The following DTNBP1 variants were observed in gnomAD, a reference collection of about 807,000 sequenced individuals.
The protein encoded by DTNBP1 is dysbindin.
In DTNBP1, 35 loss-of-function variants were observed where a neutral mutation model predicts 42.8. The observed-to-expected ratio is 0.82, with a 90% CI of 0.63 to 1.09. The LOEUF is 1.09. Ranked by LOEUF, DTNBP1 falls within the 50% of genes least tolerant of loss-of-function variation. The pLI is 0.00. For synonymous variants in DTNBP1, 171 were observed against 162.2 expected (o/e 1.05, Z -0.41); for missense variants, 457 against 424.2 (o/e 1.08, Z -0.68).
intron 5 of DTNBP1, among the ~76,000 whole-genome samples, chr6:15,619,726 T>G (rs1266310963): frequency 6.6e-6 from 1 of 152,138 alleles, no homozygotes; most frequent in Admixed American, 6.5e-5. Flanking sequence ...CTTTGTTTGA[T>G]CCAAACAGCT....
intron 5 of DTNBP1, among the ~76,000 whole-genome samples, chr6:15,625,558 T>C (rs1759291441): frequency 6.6e-6 from 1 of 152,206 alleles, no homozygotes; most frequent in Non-Finnish European, 1.5e-5. Flanking sequence ...TTTCAGGATA[T>C]TAGAATCCTA....
chr6:15,624,143 T>C (rs1261298365), intron 5 of DTNBP1, among the ~76,000 whole-genome samples: 1 of 152,174 alleles, frequency 6.6e-6, no homozygotes, highest in African/African-American at 2.4e-5. Context: ...GTGGTTACGT[T>C]TGTCATCTCC....
At chr6:15,594,695 C>T (rs532129771) in intron 6 of DTNBP1, among the ~76,000 whole-genome samples, 1 of 152,094 alleles carries the variant, frequency 6.6e-6, no homozygotes, top group South Asian at 2.1e-4. Flanking sequence ...GTGACATCCT[C>T]ACATTAGCAA....
intron 6 of DTNBP1, among the ~76,000 whole-genome samples, chr6:15,608,340 T>TATAAATAA (rs532286625): frequency 6.6e-6 from 1 of 152,040 alleles, no homozygotes; most frequent in Non-Finnish European, 1.5e-5. Context: ...TAATTCAAGT[T>TATAAATAA]ATAAATAAAT....
intron 5 of DTNBP1, among the ~76,000 whole-genome samples, chr6:15,624,134 T>C (rs1759206494): frequency 6.6e-6 from 1 of 152,206 alleles, no homozygotes; most frequent in South Asian, 2.1e-4. Context: ...CTGTGCTAAG[T>C]GGTTACGTTT....
intron 6 of DTNBP1, among the ~76,000 whole-genome samples, chr6:15,603,784 A>G (rs1207051641): frequency 1.3e-5 from 2 of 152,182 alleles, no homozygotes; most frequent in Non-Finnish European, 2.9e-5. Context: ...CCACTTCCCA[A>G]TACCTCAGTA....
At chr6:15,590,224 A>G (rs1776239895) in intron 7 of DTNBP1, among the ~76,000 whole-genome samples, 1 of 152,180 alleles carries the variant, frequency 6.6e-6, no homozygotes, top group South Asian at 2.1e-4. Flanking sequence ...GTGAGCCACC[A>G]TGCCCGGCCT....
At chr6:15,552,473 TC>T (rs1249181361) in intron 7 of DTNBP1, among the ~76,000 whole-genome samples, 18 of 152,176 alleles carry the variant, frequency 1.2e-4, no homozygotes, top group Admixed American at 7.2e-4. Flanking sequence ...ATTACAGGAT[TC>T]CCTTACATGT....
At chr6:15,566,263 C>T (rs1029520667) in intron 7 of DTNBP1, among the ~76,000 whole-genome samples, 4 of 146,314 alleles carry the variant, frequency 2.7e-5, no homozygotes, top group African/African-American at 7.6e-5. Context: ...TGCAGTGAGC[C>T]GAGATCCCGC....
At chr6:15,636,232 C>T (rs533836857) in intron 4 of DTNBP1, among the ~76,000 whole-genome samples, 1 of 147,462 alleles carries the variant, frequency 6.8e-6, no homozygotes, top group South Asian at 2.1e-4. Context: ...CTCACCGTAA[C>T]CTCCGCCTCC....
intron 6 of DTNBP1, among the ~76,000 whole-genome samples, chr6:15,613,195 G>A: frequency 6.6e-6 from 1 of 151,548 alleles, no homozygotes; most frequent in Non-Finnish European, 1.5e-5. Flanking sequence ...TGTAATCCCA[G>A]CTACTCGGGA....
chr6:15,530,220 TAAGA>T (rs745773079), intron 8 of DTNBP1, among the ~76,000 whole-genome samples: 3 of 152,226 alleles, frequency 2.0e-5, no homozygotes, highest in Non-Finnish European at 4.4e-5. Flanking sequence ...GATTCCTCCC[TAAGA>T]AAGGTGCTGT....
chr6:15,569,361 C>G (rs867634651), intron 7 of DTNBP1, among the ~76,000 whole-genome samples: 3 of 138,640 alleles, frequency 2.2e-5, no homozygotes, highest in Non-Finnish European at 3.1e-5. Flanking sequence ...AGACCCCCCC[C>G]CGCCCGCCCC....
intron 3 of DTNBP1, among the ~76,000 whole-genome samples, chr6:15,644,967 T>C (rs1389888204): frequency 2.0e-5 from 3 of 151,312 alleles, no homozygotes; most frequent in Non-Finnish European, 3.0e-5. Flanking sequence ...AAAAAAACCA[T>C]ACAAAGTATC....
chr6:15,625,584 A>T (rs1184519971), intron 5 of DTNBP1, among the ~76,000 whole-genome samples: 1 of 152,244 alleles, frequency 6.6e-6, no homozygotes, highest in Non-Finnish European at 1.5e-5. Context: ...GAACGAACAT[A>T]CAATATATTC....
chr6:15,662,774 GC>G, intron 1 of DTNBP1, 39 bp downstream of exon 1: 1 of 1,611,036 alleles, frequency 6.2e-7, no homozygotes, highest in Non-Finnish European at 8.5e-7. Flanking sequence ...CGGCGGCCCG[GC>G]CCCCTCAGGT....
chr6:15,656,586 A>G (rs1356072886), intron 1 of DTNBP1, among the ~76,000 whole-genome samples: 1 of 152,150 alleles, frequency 6.6e-6, no homozygotes, highest in Non-Finnish European at 1.5e-5. Context: ...CCTGTCTTCC[A>G]AATATACACA....
intron 7 of DTNBP1, among the ~76,000 whole-genome samples, chr6:15,535,579 AGTGCTG>A (rs1773177971): frequency 6.6e-6 from 1 of 152,156 alleles, no homozygotes; most frequent in Admixed American, 6.5e-5. Context: ...GGCCTCCCAA[AGTGCTG>A]GAACTACAGG....
chr6:15,612,710 G>A (rs544193589), intron 6 of DTNBP1, among the ~76,000 whole-genome samples: 1 of 152,038 alleles, frequency 6.6e-6, no homozygotes, highest in Non-Finnish European at 1.5e-5. Context: ...TTTCACACAC[G>A]AGAAAACCAC....
Sources: gnomAD v4.1 joint callset for allele counts (sites outside exome capture counted in the v4.1 genomes callset) on GRCh38, gnomAD v4.1.1 for gene constraint, MANE v1.5 for transcripts, NCBI Gene and HGNC (gene_info 2026-07-23, HGNC 2026-07-21) for gene names.